Variants in FES observed in about 807,000 individuals in gnomAD.
FES encodes the protein FES proto-oncogene, tyrosine kinase.
FES carries 83 observed loss-of-function variants against 109.6 expected under a neutral mutation model. That is an observed-to-expected ratio of 0.76 (90% CI 0.63 to 0.91). FES has a LOEUF of 0.91. FES is among the 40% of genes least tolerant of loss of function. The pLI is 0.00. For synonymous variants in FES, 458 were observed against 442.1 expected (o/e 1.04, Z -0.45); for missense variants, 943 against 1,070.9 (o/e 0.88, Z 1.67).
At position 90,889,312 on chromosome 15, in the gene FES, G is replaced by T; in HGVS notation, c.675G>T (p.Glu225Asp). 2 of 1,613,548 alleles carry T rather than the reference G, an allele frequency of 1.2e-6. No homozygotes were observed. ...GATCCCGTCTCGGGGGCAGGAAGGA[G>T]ATCCTGCAGGAATACCTGGAGATTA... is the stretch of plus-strand genomic sequence containing the variant. ...LHEEMACILK[E>D]ILQEYLEISS... Residue 225 changes from glutamate (E) to aspartate (D), a missense_variant, in exon 6 of 19, where the codon GAG becomes GAT. Physicochemically the swap from Glu to Asp is conservative, Grantham distance 45 (BLOSUM62 2). Transcript: ENST00000328850. This position sits in a 1 kb window ranked among gnomAD's most constrained non-coding sequence, Gnocchi z 6.1.
intron 5 of FES, 126 bp downstream of exon 5, chr15:90,887,496 C>T (rs114657862): frequency 1.1e-5 from 11 of 1,019,512 alleles, no homozygotes; most frequent in African/African-American, 4.8e-5. Context: ...CACATGAGAA[C>T]GGGACCTGGG....
At position 90,889,789 on chromosome 15, in the gene FES, T is replaced by TTG. The variant is rs1280228925; in HGVS notation, c.927-50_927-49dup. ...TCTACAGGGATGCACTGGACCTGGG[T>TTG]TGAGGGGGCAGGAGGGCTCGGTTCT... On this transcript the variant is annotated intron_variant, in intron 7 of 18. Transcript: ENST00000328850. The surrounding 1 kb of genome is among the most constrained non-coding windows in gnomAD (Gnocchi z 6.1). 12 of 1,610,162 alleles carry TTG rather than the reference T, an allele frequency of 7.5e-6. No homozygotes were observed. Among genetic ancestry groups the TTG allele is most frequent in the Non-Finnish European group, 7.6e-6 (9 of 1,178,272 alleles).
chr15:90,891,403 T>A (rs750234954), intron 11 of FES, 151 bp from the exon 12 acceptor site: 2 of 1,140,686 alleles, frequency 1.8e-6, no homozygotes, highest in Non-Finnish European at 2.6e-6. Flanking sequence ...CAGCAGGATG[T>A]CATGTGCCAT....
chr15:90,891,774 C>A, intron 12 of FES, 98 bp downstream of exon 12: 2 of 1,531,400 alleles, frequency 1.3e-6, no homozygotes, highest in South Asian at 1.2e-5. Context: ...GCTTTCCAGG[C>A]CCTCCGTCTA....
intron 12 of FES, 38 bp from the exon 13 acceptor site, chr15:90,892,020 C>T (rs2033265853): frequency 1.9e-6 from 3 of 1,613,612 alleles, no homozygotes; most frequent in Non-Finnish European, 2.5e-6. Flanking sequence ...CACCCCTTTT[C>T]TTCAGACTTC....
chr15:90,892,137 T>G, intron 13 of FES, 26 bp downstream of exon 13: 1 of 1,613,676 alleles, frequency 6.2e-7, no homozygotes, highest in Non-Finnish European at 8.5e-7. Context: ...CTGGCCTCCT[T>G]GTCGCTGGCG....
Position 90,885,504 on chromosome 15 carries a change from G to C in FES, c.306G>C (p.Leu102=). 1 of 1,613,272 alleles carries C rather than the reference G, an allele frequency of 6.2e-7. No homozygotes were observed. Among genetic ancestry groups the C allele is most frequent in the East Asian group, 2.2e-5 (1 of 44,880 alleles). ...TGAACTCAGGGCCCCTGAGCAAGCT[G>C]AGCCTGCTCATCCGGGAACGGCAGC... ...EDLNSGPLSK[L]SLLIRERQQL... is the part of the protein sequence containing the mutation. Residue 102 remains leucine (L), a synonymous_variant, in exon 3 of 19, where the codon CTG becomes CTC. Transcript: ENST00000328850.
Position 90,886,925 on chromosome 15 carries a change from C to T in FES, c.388-36C>T. 5 of 1,596,302 alleles carry T rather than the reference C, an allele frequency of 3.1e-6. No homozygotes were observed. In the African/African-American group the frequency reaches 5.4e-5, roughly 17 times the overall value. Reference sequence around the variant, plus strand: ...GGCAAGAATCTTCCACAACTGGGGACCTGCTGCCCCACACTGGCCTCTCCT... The same window carrying T: ...GGCAAGAATCTTCCACAACTGGGGATCTGCTGCCCCACACTGGCCTCTCCT... On this transcript the variant is annotated intron_variant, in intron 3 of 18. Coordinates refer to ENST00000328850, the MANE Select transcript of FES (RefSeq NM_002005.4).
intron 11 of FES, 94 bp downstream of exon 11, chr15:90,891,285 G>C: frequency 7.0e-7 from 1 of 1,434,218 alleles, no homozygotes; most frequent in South Asian, 1.3e-5. Flanking sequence ...GGGGGTAGCT[G>C]CCAGGTCTTG....
rs766630921 is a variant in FES, at chr15:90,887,341, G to A, written c.639G>A (p.Gln213=). Residue 213 remains glutamine (Q), a synonymous_variant, in exon 5 of 19, where the codon CAG becomes CAA. Coordinates refer to ENST00000328850, the MANE Select transcript of FES (RefSeq NM_002005.4). The stretch of plus-strand genomic sequence containing the variant: ...TGCCCGGCCTGCTGCGGTCACTGCA[G>A]GACCTGCACGAGGAGATGGCTTGCA... ...LLLPGLLRSL[Q]DLHEEMACIL... The A allele has an allele frequency of 5.0e-6, 8 of 1,612,552 alleles. No homozygotes were observed. The South Asian group carries it at 8.8e-5, about 18-fold the overall frequency.
intron 18 of FES, among the ~76,000 whole-genome samples, chr15:90,894,658 C>T (rs1338648280): frequency 6.6e-6 from 1 of 151,702 alleles, no homozygotes; most frequent in East Asian, 1.9e-4. Context: ...CCCTGCTACT[C>T]GGGAGGCTGA....
Position 90,884,970 on chromosome 15 carries a change from C to T in FES, c.-9-67C>T, listed in dbSNP as rs1190428901. ...ATCCTGACCCTACAGTCCCCAGTCT[C>T]CTCGTCCCATGCCTCCGTCTCCAGC... On this transcript the variant is annotated intron_variant, in intron 1 of 18. Transcript: ENST00000328850. 6 of 1,356,786 alleles carry T rather than the reference C, an allele frequency of 4.4e-6. No homozygotes were observed. In the African/African-American group the frequency reaches 5.7e-5, roughly 13 times the overall value. The allele number at this position is 1,356,786 out of a possible 1,614,324, so 84.0% of individuals were successfully genotyped here.
chr15:90,891,275 G>C lies in FES; in HGVS notation c.1530+84G>C. 3 of 1,473,184 alleles carry C rather than the reference G, an allele frequency of 2.0e-6. No individual in the cohort carries two copies. The South Asian group carries it at 3.7e-5, about 18-fold the overall frequency. The allele number at this position is 1,473,184 out of a possible 1,614,324, so 91.3% of individuals were successfully genotyped here. A position where few individuals can be genotyped will look rare whatever the true frequency, so the allele number is the denominator to read the frequency against. ...CCAAGGGAAATGGCCTTTCAGGGTA[G>C]GGGGTAGCTGCCAGGTCTTGGATGC... On this transcript the variant is annotated intron_variant, in intron 11 of 18. Coordinates refer to ENST00000328850, the MANE Select transcript of FES (RefSeq NM_002005.4).
Position 90,892,889 on chromosome 15 carries a change from G to A in FES, c.1826+64G>A, listed in dbSNP as rs532121877. 6.9e-5 allele frequency: 105 copies of A among 1,524,098 alleles called. No homozygotes were observed. The East Asian group carries it at 2.4e-3, about 34-fold the overall frequency. The allele number at this position is 1,524,098 out of a possible 1,614,324, so 94.4% of individuals were successfully genotyped here. A position where few individuals can be genotyped will look rare whatever the true frequency, so the allele number is the denominator to read the frequency against. ...CACAGAGGTTACACTGCATGGCACA[G>A]TGTGAAGTGCTTGACCACCGTGGTG... On this transcript the variant is annotated intron_variant, in intron 14 of 18. Transcript: ENST00000328850.
chr15:90,885,259 G>T lies in FES; in HGVS notation c.213+1G>T, dbSNP rs1215744080. On this transcript the variant is annotated splice_donor_variant, in intron 2 of 18. Transcript: ENST00000328850. LOFTEE classifies it high-confidence loss of function. ...CAGCCCTGACAGCCCCATCAGTCAGGTGGGTCTCTATGGGACTCTGGTGGG... is the reference window on the plus strand; with the variant it reads ...CAGCCCTGACAGCCCCATCAGTCAGTTGGGTCTCTATGGGACTCTGGTGGG... 1.2e-6 allele frequency: 2 copies of T among 1,611,650 alleles called. No homozygotes were observed. The highest frequency in any genetic ancestry group is 1.7e-6 in the Non-Finnish European group (2 of 1,179,552).
In FES at chr15:90,893,423, G is replaced by T; in HGVS notation, c.2045+9G>T. Reference sequence around the variant, plus strand: ...AAGTGCTGCATCCACCGGTGAGTGGGCGGTGGCCACGGGCCCTGCCAACAC... The same window carrying T: ...AAGTGCTGCATCCACCGGTGAGTGGTCGGTGGCCACGGGCCCTGCCAACAC... On this transcript the variant is annotated intron_variant, in intron 16 of 18. Transcript: ENST00000328850. 6.5e-7 allele frequency: 1 copy of T among 1,533,716 alleles called. No homozygotes were observed.
In FES at chr15:90,890,244, T is replaced by C. The variant is rs2033077594; in HGVS notation, c.1202T>C (p.Leu401Pro). Residue 401 changes from leucine (L) to proline (P), a missense_variant, in exon 9 of 19, where the codon CTC (leucine) becomes CCC (proline). By Grantham distance (98) the Leu-to-Pro change is moderately conservative. Transcript: ENST00000328850. ...LGPGEPPPVL[L>P]LQDDRHSTSS... ...CCCGGCGAGCCCCCGCCTGTGCTGC[T>C]CCTGCAGGATGACCGCCACTCCACG... 2 of 1,595,694 alleles carry C rather than the reference T, an allele frequency of 1.3e-6. No homozygotes were observed. Among genetic ancestry groups the C allele is most frequent in the Non-Finnish European group, 1.7e-6 (2 of 1,175,140 alleles).
Sources: allele counts gnomAD v4.1 joint callset (sites outside exome capture counted in the v4.1 genomes callset), GRCh38; gene constraint gnomAD v4.1.1; non-coding constraint Gnocchi (gnomAD v3.1); transcripts MANE v1.5; gene names NCBI Gene and HGNC (gene_info 2026-07-23, HGNC 2026-07-21).